CD83: variants seen among roughly 807,000 people sequenced by gnomAD.
CD83 encodes the protein CD83 antigen.
CD83 carries 22 observed loss-of-function variants against 24.6 expected under a neutral mutation model. The ratio of observed to expected loss-of-function variants is 0.90; its 90% CI spans 0.64 to 1.28. The LOEUF (loss-of-function observed/expected upper bound fraction) is 1.28. Ranked by LOEUF, CD83 falls within the 50% of genes most tolerant of loss-of-function variation. The probability of loss-of-function intolerance (pLI) is 0.00; values close to 1 mark genes in which losing one functional copy is unlikely to be tolerated. For missense variants in CD83, 253 were observed against 252.8 expected, an observed-to-expected ratio of 1.00 and a Z score of -0.01; for synonymous variants, 101 against 103.5, an observed-to-expected ratio of 0.98 and a Z score of 0.14.
intron 2 of CD83, among the ~76,000 whole-genome samples, chr6:14,119,848 A>C (rs1759631026): frequency 6.6e-6 from 1 of 152,224 alleles, no homozygotes. Context: ...AAGTAGATGA[A>C]ATTTCAGGCT....
chr6:14,118,467 G>C (rs541590518), intron 2 of CD83, among the ~76,000 whole-genome samples: 2 of 152,148 alleles, frequency 1.3e-5, no homozygotes, highest in Admixed American at 6.5e-5. Context: ...CCAGACTTCT[G>C]ATTTCTTGTG....
chr6:14,132,712 C>CG (rs1757944123), intron 3 of CD83, among the ~76,000 whole-genome samples: 1 of 119,694 alleles, frequency 8.4e-6, no homozygotes. Flanking sequence ...CTCTCATTAC[C>CG]CACGGCTGTG....
At chr6:14,130,720 G>A (rs1337298202) in intron 2 of CD83, among the ~76,000 whole-genome samples, 1 of 152,100 alleles carries the variant, frequency 6.6e-6, no homozygotes, top group African/African-American at 2.4e-5. Context: ...GTGATAGAGC[G>A]AGACCCTGTC....
chr6:14,118,452 T>A (rs1759595818), intron 2 of CD83, among the ~76,000 whole-genome samples: 1 of 152,180 alleles, frequency 6.6e-6, no homozygotes, highest in African/African-American at 2.4e-5. Flanking sequence ...ACAGGGGGAA[T>A]GTCTCCAGAC....
chr6:14,131,782 A>G, intron 3 of CD83, 34 bp downstream of exon 3: 1 of 1,404,482 alleles, frequency 7.1e-7, no homozygotes, highest in South Asian at 1.2e-5. Flanking sequence ...TTTCTTCTTG[A>G]ACAATGCATG....
chr6:14,120,890 A>G (rs1297065732), intron 2 of CD83, among the ~76,000 whole-genome samples: 8 of 152,196 alleles, frequency 5.3e-5, no homozygotes, highest in Admixed American at 2.6e-4. Flanking sequence ...AAGAGTGTTC[A>G]TTCTGTTCTC....
chr6:14,128,689 A>T (rs1759879334), intron 2 of CD83, among the ~76,000 whole-genome samples: 1 of 152,170 alleles, frequency 6.6e-6, no homozygotes, highest in Non-Finnish European at 1.5e-5. Flanking sequence ...AGCACATCAG[A>T]ATTCTGCAGG....
Position 14,135,319 on chromosome 6 carries a change from C to T in CD83, c.*83C>T. 6.9e-7 allele frequency: 1 copy of T among 1,448,170 alleles called. No homozygotes were observed. Among genetic ancestry groups the T allele is most frequent in the Non-Finnish European group, 9.4e-7 (1 of 1,059,874 alleles). 89.7% of individuals were successfully genotyped at this position (1,448,170 alleles called of 1,614,324 possible). ...TTACACTGGAGGAGAGAAGAATGAG[C>T]CTACGCTGAAGATGGCATCCTGTGA... On this transcript the variant is annotated 3_prime_UTR_variant, in exon 5 of 5. Transcript: ENST00000379153.
In CD83 at chr6:14,136,351, A is replaced by G. The variant is rs1448786953; in HGVS notation, c.*1115A>G. On this transcript the variant is annotated 3_prime_UTR_variant, in exon 5 of 5. Coordinates refer to ENST00000379153, the MANE Select transcript of CD83 (RefSeq NM_004233.4). ...AAGGTTACCAAGAAGCCTTTCCTGT[A>G]GCCTTCTGTAGGAATTCTTTTGGGG... The G allele has an allele frequency of 6.6e-6, 1 of 152,206 alleles. No individual in the cohort carries two copies. Among genetic ancestry groups the G allele is most frequent in the African/African-American group, 2.4e-5 (1 of 41,446 alleles). The allele number at this position is 152,206 out of a possible 1,614,324, so 9.4% of individuals were successfully genotyped here.
At position 14,133,688 on chromosome 6, in the gene CD83, A is replaced by T; in HGVS notation, c.422A>T (p.Tyr141Phe). ...AQRKEETFKK[Y>F]RAEIVLLLAL... ...CGTAAAGAAGAGACTTTTAAGAAAT[A>T]CAGAGCGGAGATTGTCCTGCTGCTG... Residue 141 changes from tyrosine (Y) to phenylalanine (F), a missense_variant, in exon 4 of 5, where the codon TAC becomes TTC. Physicochemically the swap from Tyr to Phe is conservative, Grantham distance 22. Coordinates refer to ENST00000379153, the MANE Select transcript of CD83 (RefSeq NM_004233.4). 6.2e-7 allele frequency: 1 copy of T among 1,613,976 alleles called. No individual in the cohort carries two copies. Among genetic ancestry groups the T allele is most frequent in the Non-Finnish European group, 8.5e-7 (1 of 1,179,842 alleles).
At chr6:14,118,213 C>T (rs1581324279) in intron 2 of CD83, 148 bp downstream of exon 2, 1 of 588,984 alleles carries the variant, frequency 1.7e-6, no homozygotes, top group South Asian at 2.1e-5. Flanking sequence ...CCCAGCCTCC[C>T]GTCGCGCCTC....
At chr6:14,127,225 T>A (rs1759839377) in intron 2 of CD83, among the ~76,000 whole-genome samples, 1 of 152,000 alleles carries the variant, frequency 6.6e-6, no homozygotes, top group South Asian at 2.1e-4. Flanking sequence ...CCTGACCTCA[T>A]GTGATCCACC....
Position 14,133,765 on chromosome 6 carries a change from T to A in CD83, c.489+10T>A. On this transcript the variant is annotated intron_variant, in intron 4 of 4. Transcript: ENST00000379153. Reference sequence around the variant, plus strand: ...CATCATTTTCACTTGTGTAAGTATCTTCTTAAAACATCTTCTCTTATTAAA... The same window carrying A: ...CATCATTTTCACTTGTGTAAGTATCATCTTAAAACATCTTCTCTTATTAAA... 6.5e-7 allele frequency: 1 copy of A among 1,530,894 alleles called. No homozygotes were observed. Among genetic ancestry groups the A allele is most frequent in the Non-Finnish European group, 9.0e-7 (1 of 1,110,076 alleles). 94.8% of individuals were successfully genotyped at this position (1,530,894 alleles called of 1,614,324 possible).
At position 14,135,163 on chromosome 6, in the gene CD83, G is replaced by A. The variant is rs2230193; in HGVS notation, c.545G>A (p.Arg182Gln). Reference sequence around the variant, plus strand: ...GATTTTTCTAAAGCTGGCATGGAACGAGCTTTTCTCCCAGTTACCTCCCCA... The same window carrying A: ...GATTTTTCTAAAGCTGGCATGGAACAAGCTTTTCTCCCAGTTACCTCCCCA... ...FPDFSKAGME[R>Q]AFLPVTSPNK... The change falls in exon 5 of 5, where the codon CGA (arginine) becomes CAA (glutamine). Residue 182 changes from arginine to glutamine, a missense_variant. Physicochemically the swap from Arg to Gln is conservative, Grantham distance 43. Transcript: ENST00000379153. 4,017 of 1,613,782 alleles carry A rather than the reference G, an allele frequency of 2.5e-3. 95 individuals carry two copies. In the African/African-American group the frequency reaches 0.047, roughly 19 times the overall value.
rs11758573 is a variant in CD83 at position 14,129,806 on chromosome 6, C to G, written c.154-1714C>G. On this transcript the variant is annotated intron_variant, in intron 2 of 4. Transcript: ENST00000379153. The surrounding 1 kb of genome is among the most constrained non-coding windows in gnomAD (Gnocchi z 4.3). ...TTCCGGTGACCTTGTGGTATATGCT[C>G]TGAATTAATAAATGAAGCAGAAATG... Among the ~76,000 whole-genome samples the G allele has an allele frequency of 0.12, 17,958 of 151,438 alleles. 1,404 individuals are homozygous for G. Among genetic ancestry groups the G allele is most frequent in the Admixed American group, 0.19 (2,886 of 15,230 alleles).
chr6:14,134,025 T>C (rs376379681), intron 4 of CD83, among the ~76,000 whole-genome samples: 1 of 150,368 alleles, frequency 6.7e-6, no homozygotes, highest in Non-Finnish European at 1.5e-5. Flanking sequence ...TGACAAGGGG[T>C]TCTATGCAAG....
intron 2 of CD83, among the ~76,000 whole-genome samples, chr6:14,122,273 C>T (rs1029167448): frequency 6.6e-6 from 1 of 152,160 alleles, no homozygotes; most frequent in Non-Finnish European, 1.5e-5. Context: ...TAATGGCTTG[C>T]GTGAGGCCAC....
intron 4 of CD83, among the ~76,000 whole-genome samples, chr6:14,134,714 A>G (rs1390924222): frequency 7.2e-5 from 11 of 152,254 alleles, no homozygotes; most frequent in Admixed American, 7.2e-4. Flanking sequence ...AAAAAGGTGT[A>G]AGACATTGTT....
chr6:14,127,686 A>G (rs545150651), intron 2 of CD83, among the ~76,000 whole-genome samples: 2 of 152,292 alleles, frequency 1.3e-5, no homozygotes, highest in South Asian at 4.1e-4. Context: ...TCTCCATTTG[A>G]GAGAAAGAAT....
Sources: gnomAD v4.1 joint callset for allele counts (sites outside exome capture counted in the v4.1 genomes callset) on GRCh38, gnomAD v4.1.1 for gene constraint, Gnocchi (gnomAD v3.1) non-coding constraint, MANE v1.5 for transcripts, NCBI Gene and HGNC (gene_info 2026-07-23, HGNC 2026-07-21) for gene names.